Variants in KCNU1 observed in about 807,000 individuals in gnomAD.
KCNU1 encodes potassium channel subfamily U member 1.
In KCNU1, 93 loss-of-function variants were observed where a neutral mutation model predicts 126.8. The observed-to-expected ratio is 0.73, with a 90% CI of 0.62 to 0.87. The LOEUF (loss-of-function observed/expected upper bound fraction) is 0.87, where lower values mean the gene tolerates loss of function less well. Among genes scored for constraint, KCNU1 ranks in the 40% least tolerant of loss-of-function variants. The pLI is 0.00. For missense variants in KCNU1, 1,330 were observed against 1,367.1 expected (o/e 0.97, Z 0.43); for synonymous variants, 523 against 494.2 (o/e 1.06, Z -0.77).
rs1804636987 is a variant in KCNU1, at chr8:36,833,541, CT to C, written c.1107-7del. ...TTTTTTCCCTCATTGCTGCCACGTT[CT>C]TTTTTGTCCAGAACCCCTCCTTCTT... is the stretch of plus-strand genomic sequence containing the variant. On this transcript the variant is annotated splice_polypyrimidine_tract_variant and intron_variant, in intron 10 of 26. Coordinates refer to ENST00000399881, the MANE Select transcript of KCNU1 (RefSeq NM_001031836.3). 6.5e-7 allele frequency: 1 copy of C among 1,539,394 alleles called. No homozygotes were observed.
intron 22 of KCNU1, among the ~76,000 whole-genome samples, chr8:36,912,895 G>A (rs568674077): frequency 3.1e-5 from 4 of 127,994 alleles, no homozygotes; most frequent in Non-Finnish European, 6.3e-5. Context: ...TTGAACTCAA[G>A]AGGCAGAAGC....
At position 36,936,064 on chromosome 8, in the gene KCNU1, G is replaced by T; in HGVS notation, c.*144G>T. ...TGGTTCATGAAGGCCACACTGTTTTGGGTGAGACAAAAGTCTAATGCCACT... is the reference window on the plus strand; with the variant it reads ...TGGTTCATGAAGGCCACACTGTTTTTGGTGAGACAAAAGTCTAATGCCACT... On this transcript the variant is annotated 3_prime_UTR_variant, in exon 27 of 27. Coordinates refer to ENST00000399881, the MANE Select transcript of KCNU1 (RefSeq NM_001031836.3). The T allele has an allele frequency of 7.8e-6, 5 of 639,474 alleles. No individual in the cohort carries two copies. Among genetic ancestry groups the T allele is most frequent in the Non-Finnish European group, 1.3e-5 (5 of 390,348 alleles). 39.6% of individuals were successfully genotyped at this position (639,474 alleles called of 1,614,324 possible).
intron 10 of KCNU1, among the ~76,000 whole-genome samples, chr8:36,829,378 T>G (rs1303393173): frequency 6.6e-6 from 1 of 151,868 alleles, no homozygotes; most frequent in Non-Finnish European, 1.5e-5. Context: ...GAACTACATT[T>G]CCTACCAATA....
At chr8:36,895,808 C>A (rs1482215595) in intron 19 of KCNU1, among the ~76,000 whole-genome samples, 1 of 152,072 alleles carries the variant, frequency 6.6e-6, no homozygotes, top group Non-Finnish European at 1.5e-5. Flanking sequence ...TCTACCTAAA[C>A]TTTCATTGCA....
chr8:36,795,932 A>G (rs1258641987), intron 2 of KCNU1: 4 of 152,212 alleles, frequency 2.6e-5, no homozygotes, highest in Non-Finnish European at 5.9e-5. Flanking sequence ...GCTAGGTCCC[A>G]CCATCTTGCA....
chr8:36,926,510 G>A lies in KCNU1; in HGVS notation c.2736+3881G>A, dbSNP rs575569954. 1.2e-4 allele frequency among the ~76,000 whole-genome samples: 19 copies of A among 152,168 alleles called. 1 individual carries two copies. In the East Asian group the frequency reaches 3.3e-3, roughly 26 times the overall value. On this transcript the variant is annotated intron_variant, in intron 24 of 26. Coordinates refer to ENST00000399881, the MANE Select transcript of KCNU1 (RefSeq NM_001031836.3). Reference sequence around the variant, plus strand: ...CATAAGATTCAATTGCACAAGAGACGTCTGTTGTTAAGAGGATTTTGGAAC... The same window carrying A: ...CATAAGATTCAATTGCACAAGAGACATCTGTTGTTAAGAGGATTTTGGAAC...
chr8:36,900,556 C>G (rs1464363640), intron 19 of KCNU1, among the ~76,000 whole-genome samples: 3 of 152,062 alleles, frequency 2.0e-5, no homozygotes, highest in African/African-American at 7.2e-5. Context: ...CCTGCCCTTA[C>G]ATTCCCCAAT....
At chr8:36,898,323 T>C (rs1167571503) in intron 19 of KCNU1, among the ~76,000 whole-genome samples, 1 of 151,986 alleles carries the variant, frequency 6.6e-6, no homozygotes, top group African/African-American at 2.4e-5. Context: ...CACGTGCACC[T>C]CACACCAGTA....
chr8:36,870,335 G>A (rs1806056687), intron 19 of KCNU1, among the ~76,000 whole-genome samples: 1 of 152,094 alleles, frequency 6.6e-6, no homozygotes, highest in African/African-American at 2.4e-5. Context: ...GCTCACGCAT[G>A]ACTCCTGAGA....
At chr8:36,850,098 C>T (rs1416728527) in intron 18 of KCNU1, among the ~76,000 whole-genome samples, 7 of 152,074 alleles carry the variant, frequency 4.6e-5, no homozygotes, top group African/African-American at 9.7e-5. Context: ...AGCTCATTGA[C>T]CATTTACATA....
intron 19 of KCNU1, among the ~76,000 whole-genome samples, chr8:36,865,981 A>G (rs1194308530): frequency 1.3e-5 from 2 of 152,038 alleles, no homozygotes; most frequent in African/African-American, 4.8e-5. Flanking sequence ...AAAATAGCCA[A>G]ACTCATAGGA....
intron 18 of KCNU1, among the ~76,000 whole-genome samples, chr8:36,862,022 T>C (rs1274493402): frequency 6.6e-6 from 1 of 152,148 alleles, no homozygotes; most frequent in Non-Finnish European, 1.5e-5. Flanking sequence ...GTTTGTTTTT[T>C]GGTATCCAGT....
intron 22 of KCNU1, among the ~76,000 whole-genome samples, chr8:36,913,323 T>C (rs933854643): frequency 1.3e-5 from 2 of 151,806 alleles, no homozygotes; most frequent in African/African-American, 4.8e-5. Flanking sequence ...GAAAAAAAAT[T>C]GGAAAGGCAA....
intron 24 of KCNU1, among the ~76,000 whole-genome samples, chr8:36,926,221 T>C (rs1808526763): frequency 6.6e-6 from 1 of 152,192 alleles, no homozygotes; most frequent in Admixed American, 6.5e-5. Flanking sequence ...CATTTACCAG[T>C]AACAAGTTGG....
intron 2 of KCNU1, among the ~76,000 whole-genome samples, chr8:36,801,288 G>A (rs1803294453): frequency 6.6e-6 from 1 of 152,162 alleles, no homozygotes; most frequent in Admixed American, 6.5e-5. Flanking sequence ...ATGGGCACCA[G>A]GTGATCTTTC....
intron 19 of KCNU1, among the ~76,000 whole-genome samples, chr8:36,870,984 C>A (rs1806081308): frequency 6.6e-6 from 1 of 152,222 alleles, no homozygotes; most frequent in Non-Finnish European, 1.5e-5. Flanking sequence ...TATGCTTTCT[C>A]TCATTTTAAT....
At chr8:36,810,850 T>G (rs968972187) in intron 7 of KCNU1, among the ~76,000 whole-genome samples, 30 of 152,134 alleles carry the variant, frequency 2.0e-4, no homozygotes, top group African/African-American at 6.5e-4. Context: ...AAGGAAAAGT[T>G]AAGAAAAAAT....
intron 19 of KCNU1, among the ~76,000 whole-genome samples, chr8:36,902,597 T>C (rs1440603353): frequency 6.6e-6 from 1 of 152,090 alleles, no homozygotes; most frequent in East Asian, 1.9e-4. Context: ...ACTACCAACT[T>C]GGTCATGATA....
At chr8:36,904,508 A>G (rs1563326735) in intron 19 of KCNU1, among the ~76,000 whole-genome samples, 1 of 152,178 alleles carries the variant, frequency 6.6e-6, no homozygotes, top group Non-Finnish European at 1.5e-5. Flanking sequence ...TGGCTCTTTG[A>G]CTTTTATCCA....
Sources: gnomAD v4.1 joint callset for allele counts (sites outside exome capture counted in the v4.1 genomes callset) on GRCh38, gnomAD v4.1.1 for gene constraint, MANE v1.5 for transcripts, NCBI Gene and HGNC (gene_info 2026-07-23, HGNC 2026-07-21) for gene names.